The following CAMTA1 variants were observed in gnomAD, a reference collection of about 807,000 sequenced individuals.
CAMTA1 encodes the protein calmodulin-binding transcription activator 1.
Under a neutral mutation model 170.9 loss-of-function variants are expected in CAMTA1, and 27 were observed. The ratio of observed to expected loss-of-function variants is 0.16; its 90% CI spans 0.12 to 0.22. The LOEUF (loss-of-function observed/expected upper bound fraction) is 0.22. CAMTA1 is among the 10% of genes least tolerant of loss of function. The pLI is 1.00. For synonymous variants in CAMTA1, 833 were observed against 891.5 expected (o/e 0.93, Z 1.17); for missense variants, 1,619 against 2,217.2 (o/e 0.73, Z 5.42).
chr1:7,500,279 C>CGTATGT (rs1377102432), intron 6 of CAMTA1, among the ~76,000 whole-genome samples: 6 of 54,190 alleles, frequency 1.1e-4, no homozygotes, highest in Admixed American at 2.1e-4. Context: ...GGTGTGCGTG[C>CGTATGT]ATATGTATAT....
rs1437037742 is a variant in CAMTA1 at position 6,932,188 on chromosome 1, C to T, written c.234+106978C>T. Among the ~76,000 whole-genome samples, 2 of 152,078 alleles carry T rather than the reference C, an allele frequency of 1.3e-5. 1 individual carries two copies. Among genetic ancestry groups the T allele is most frequent in the Non-Finnish European group, 2.9e-5 (2 of 67,988 alleles). On this transcript the variant is annotated intron_variant, in intron 3 of 22. Coordinates refer to ENST00000303635, the MANE Select transcript of CAMTA1 (RefSeq NM_015215.4). ...TGGTGATTGCTTCCTCCAGGGCCTC[C>T]CCCCTCCTCGCCAGGCAACCACCAC...
At chr1:7,098,811 A>T (rs931661815) in intron 4 of CAMTA1, among the ~76,000 whole-genome samples, 13 of 152,098 alleles carry the variant, frequency 8.5e-5, no homozygotes, top group African/African-American at 3.1e-4. Context: ...TGTGAGCCTC[A>T]TGTGACTTCA....
chr1:7,564,566 G>C (rs574684879), intron 6 of CAMTA1, among the ~76,000 whole-genome samples: 205 of 152,324 alleles, frequency 1.3e-3, no homozygotes, highest in Non-Finnish European at 2.1e-3. Flanking sequence ...GGTTGCCTGT[G>C]CATGCCTGCG....
intron 5 of CAMTA1, among the ~76,000 whole-genome samples, chr1:7,353,291 T>A (rs1211414131): frequency 6.6e-6 from 1 of 152,160 alleles, no homozygotes; most frequent in African/African-American, 2.4e-5. Context: ...ACCCCTCATT[T>A]ATATCTTCAA....
chr1:6,998,716 G>A lies in CAMTA1; in HGVS notation c.235-92588G>A, dbSNP rs374855020. ...CATATCCCTGGCATCTTGCTGTGGC[G>A]TCTGACATGCGGTGGATGCTCAATA... On this transcript the variant is annotated intron_variant, in intron 3 of 22. Coordinates refer to ENST00000303635, the MANE Select transcript of CAMTA1 (RefSeq NM_015215.4). Among the ~76,000 whole-genome samples the A allele has an allele frequency of 8.5e-5, 13 of 152,306 alleles. No homozygotes were observed. The East Asian group carries it at 9.6e-4, about 11-fold the overall frequency.
intron 1 of CAMTA1, among the ~76,000 whole-genome samples, chr1:6,792,040 G>A (rs900951422): frequency 2.6e-5 from 4 of 151,432 alleles, no homozygotes; most frequent in African/African-American, 9.7e-5. Context: ...TGCAACCTCC[G>A]CCTTCCAGGT....
chr1:7,656,446 C>A (rs867233833), intron 7 of CAMTA1, among the ~76,000 whole-genome samples: 1 of 152,242 alleles, frequency 6.6e-6, no homozygotes, highest in Non-Finnish European at 1.5e-5. Context: ...AGGGTCCCAC[C>A]CATGTGACCT....
intron 3 of CAMTA1, among the ~76,000 whole-genome samples, chr1:7,036,658 T>C (rs1370341834): frequency 6.6e-6 from 1 of 152,248 alleles, no homozygotes; most frequent in Non-Finnish European, 1.5e-5. Context: ...TCTGAGGTGA[T>C]TGGCTTGTTA....
chr1:7,614,253 C>T (rs1417873184), intron 6 of CAMTA1, among the ~76,000 whole-genome samples: 1 of 152,076 alleles, frequency 6.6e-6, no homozygotes, highest in East Asian at 1.9e-4. Context: ...GAGGGGGCTC[C>T]TCCCAGAGCC....
intron 5 of CAMTA1, among the ~76,000 whole-genome samples, chr1:7,318,229 AGGC>A (rs1677831191): frequency 1.6e-5 from 1 of 63,690 alleles, no homozygotes; most frequent in South Asian, 4.1e-4. Context: ...AAACACAGGG[AGGC>A]ACTGAGCAGT....
intron 4 of CAMTA1, among the ~76,000 whole-genome samples, chr1:7,091,949 C>T (rs1030387666): frequency 3.3e-5 from 5 of 152,230 alleles, no homozygotes; most frequent in African/African-American, 9.6e-5. Context: ...CTGCGTTCCG[C>T]CAGCACCAGT....
chr1:7,132,115 CT>C (rs2148544978), intron 4 of CAMTA1, among the ~76,000 whole-genome samples: 1 of 152,134 alleles, frequency 6.6e-6, no homozygotes, highest in African/African-American at 2.4e-5. Context: ...ATTATTTTGG[CT>C]TTTCTAAGTC....
chr1:7,599,940 C>T (rs576382287), intron 6 of CAMTA1, among the ~76,000 whole-genome samples: 17 of 152,312 alleles, frequency 1.1e-4, no homozygotes, highest in African/African-American at 3.1e-4. Flanking sequence ...ATTTCCTTCT[C>T]CTGCCTGATT....
chr1:7,593,745 C>A (rs1016560229), intron 6 of CAMTA1, among the ~76,000 whole-genome samples: 2 of 149,300 alleles, frequency 1.3e-5, no homozygotes, highest in African/African-American at 4.9e-5. Flanking sequence ...CCCGCCTTGG[C>A]CTCCCAAACT....
At position 7,585,015 on chromosome 1, in the gene CAMTA1, G is replaced by A. The variant is rs1010173254; in HGVS notation, c.511-55385G>A. 4.6e-5 allele frequency among the ~76,000 whole-genome samples: 7 copies of A among 152,134 alleles called. No homozygotes were observed. Among genetic ancestry groups the A allele is most frequent in the African/African-American group, 9.7e-5 (4 of 41,410 alleles). ...AGACCATATATTATGTAATGTCCCC[G>A]GCGGGATGTGGAGTAGCACCCCATA... On this transcript the variant is annotated intron_variant, in intron 6 of 22. Transcript: ENST00000303635. The surrounding 1 kb of genome is among the most constrained non-coding windows in gnomAD (Gnocchi z 4.8).
At position 6,934,992 on chromosome 1, in the gene CAMTA1, A is replaced by G. The variant is rs1483340931; in HGVS notation, c.234+109782A>G. Among the ~76,000 whole-genome samples, 3 of 152,244 alleles carry G rather than the reference A, an allele frequency of 2.0e-5. No individual in the cohort carries two copies. Among genetic ancestry groups the G allele is most frequent in the African/African-American group, 4.8e-5 (2 of 41,466 alleles). ...TATGTTACAAGGGGAAGAAAAGACTATTGGGGAACTTAAAAGAAATGCAGG... is the reference window on the plus strand; with the variant it reads ...TATGTTACAAGGGGAAGAAAAGACTGTTGGGGAACTTAAAAGAAATGCAGG... On this transcript the variant is annotated intron_variant, in intron 3 of 22. Transcript: ENST00000303635. This position sits in a 1 kb window ranked among gnomAD's most constrained non-coding sequence, Gnocchi z 4.5.
chr1:7,444,106 T>C lies in CAMTA1; in HGVS notation c.439-23724T>C, dbSNP rs78112161. 2.4e-3 allele frequency among the ~76,000 whole-genome samples: 366 copies of C among 152,324 alleles called. 8 individuals are homozygous for C. The East Asian group carries it at 0.049, about 20-fold the overall frequency. Reference sequence around the variant, plus strand: ...CGCTGGTGCTCAGTGAGATTAAAACTATCACTCCTGGCTGAATTGGCCTCT... The same window carrying C: ...CGCTGGTGCTCAGTGAGATTAAAACCATCACTCCTGGCTGAATTGGCCTCT... On this transcript the variant is annotated intron_variant, in intron 5 of 22. Coordinates refer to ENST00000303635, the MANE Select transcript of CAMTA1 (RefSeq NM_015215.4).
At chr1:7,125,804 A>G (rs1274334776) in intron 4 of CAMTA1, among the ~76,000 whole-genome samples, 1 of 152,190 alleles carries the variant, frequency 6.6e-6, no homozygotes, top group African/African-American at 2.4e-5. Context: ...CTTTGACCTG[A>G]AGTGAAATCA....
At chr1:7,266,159 C>T (rs1048514384) in intron 5 of CAMTA1, among the ~76,000 whole-genome samples, 1 of 152,230 alleles carries the variant, frequency 6.6e-6, no homozygotes, top group Non-Finnish European at 1.5e-5. Flanking sequence ...GGCAAGAGAA[C>T]AAGCCTGCCC....
Sources: gnomAD v4.1 joint callset for allele counts (sites outside exome capture counted in the v4.1 genomes callset) on GRCh38, gnomAD v4.1.1 for gene constraint, Gnocchi (gnomAD v3.1) non-coding constraint, MANE v1.5 for transcripts, NCBI Gene and HGNC (gene_info 2026-07-23, HGNC 2026-07-21) for gene names.